The following FARSB variants were observed in gnomAD, a reference collection of about 807,000 sequenced individuals.
The protein encoded by FARSB is phenylalanyl-tRNA synthetase subunit beta.
In FARSB, 40 loss-of-function variants were observed where a neutral mutation model predicts 69.6. That is an observed-to-expected ratio of 0.57 (90% CI 0.45 to 0.75). The LOEUF is 0.75. FARSB is among the 30% of genes least tolerant of loss of function. The pLI, the probability that FARSB is intolerant of heterozygous loss-of-function variation, is 0.00. For missense variants in FARSB, 632 were observed against 722.9 expected (o/e 0.87, Z 1.44); for synonymous variants, 235 against 247.2 (o/e 0.95, Z 0.46).
intron 16 of FARSB, among the ~76,000 whole-genome samples, chr2:222,578,024 G>T (rs1206393604): frequency 6.6e-6 from 1 of 152,138 alleles, no homozygotes; most frequent in East Asian, 1.9e-4. Context: ...CTCTCAAACT[G>T]TGTAAAACCA....
At chr2:222,581,131 C>T (rs948451803) in intron 16 of FARSB, among the ~76,000 whole-genome samples, 11 of 152,166 alleles carry the variant, frequency 7.2e-5, no homozygotes, top group African/African-American at 1.9e-4. Flanking sequence ...CACAGCTATT[C>T]AACCCCAGTG....
intron 15 of FARSB, among the ~76,000 whole-genome samples, chr2:222,613,327 G>A (rs551488886): frequency 1.3e-5 from 2 of 152,102 alleles, no homozygotes; most frequent in African/African-American, 4.8e-5. Flanking sequence ...AGGCTGAGGC[G>A]GGTGGTCAGA....
Position 222,573,057 on chromosome 2 carries a change from G to A in FARSB, c.1619-1035C>T, listed in dbSNP as rs72956062. On this transcript the variant is annotated intron_variant, in intron 16 of 16. Transcript: ENST00000281828. ...GAGTGAGTGCATTATTGATGAAAGA[G>A]TAAACTGCTGAGTCTCTACTAATGG... 7.5e-3 allele frequency among the ~76,000 whole-genome samples: 1,143 copies of A among 152,294 alleles called. 6 individuals carry two copies. The highest frequency in any genetic ancestry group is 0.013 in the South Asian group (62 of 4,828).
chr2:222,569,766 ATT>A lies in FARSB; in HGVS notation c.*2103_*2104del, dbSNP rs2106169209. ...CTTTCACTTAGCATACTGTTTTGAAATTCATTCATGTTGTTTTGAGGATCAGT... is the reference window on the plus strand; with the variant it reads ...CTTTCACTTAGCATACTGTTTTGAAACATTCATGTTGTTTTGAGGATCAGT... On this transcript the variant is annotated 3_prime_UTR_variant, in exon 17 of 17. Coordinates refer to ENST00000281828, the MANE Select transcript of FARSB (RefSeq NM_005687.5). The A allele has an allele frequency of 6.6e-6, 1 of 152,292 alleles. No individual in the cohort carries two copies. The highest frequency in any genetic ancestry group is 2.4e-5 in the African/African-American group (1 of 41,562). The allele number at this position is 152,292 out of a possible 1,614,324, so 9.4% of individuals were successfully genotyped here.
chr2:222,645,114 C>T (rs1691815976), intron 2 of FARSB, among the ~76,000 whole-genome samples: 1 of 151,878 alleles, frequency 6.6e-6, no homozygotes, highest in Non-Finnish European at 1.5e-5. Context: ...TTTAAAATCA[C>T]ATAAATTTCA....
chr2:222,577,188 G>A (rs928961957), intron 16 of FARSB, among the ~76,000 whole-genome samples: 2 of 152,190 alleles, frequency 1.3e-5, no homozygotes, highest in Non-Finnish European at 1.5e-5. Context: ...GGGAGAAAAT[G>A]TCTCTGCAAA....
Position 222,585,772 on chromosome 2 carries a change from A to C in FARSB, c.1619-13750T>G, listed in dbSNP as rs114975611. On this transcript the variant is annotated intron_variant, in intron 16 of 16. Transcript: ENST00000281828. ...GATCAAGGGGAAGAAAGGTGACTGA[A>C]GATCAAATGAATGAAATGAAGCCAG... Among the ~76,000 whole-genome samples the C allele has an allele frequency of 3.9e-3, 591 of 152,324 alleles. 4 individuals are homozygous for C. The highest frequency in any genetic ancestry group is 0.013 in the African/African-American group (550 of 41,570).
chr2:222,608,134 T>C (rs1317126893), intron 15 of FARSB, among the ~76,000 whole-genome samples: 2 of 152,184 alleles, frequency 1.3e-5, no homozygotes, highest in Non-Finnish European at 2.9e-5. Flanking sequence ...AAATTGTTAA[T>C]GTCGATGCTC....
chr2:222,599,732 C>A (rs144942061), intron 16 of FARSB, among the ~76,000 whole-genome samples, 196 bp downstream of exon 16: 1 of 152,080 alleles, frequency 6.6e-6, no homozygotes, highest in Non-Finnish European at 1.5e-5. Context: ...GCAGCACTTA[C>A]GAGAGTTCTG....
chr2:222,640,500 T>C, intron 4 of FARSB, among the ~76,000 whole-genome samples: 1 of 152,042 alleles, frequency 6.6e-6, no homozygotes, highest in East Asian at 1.9e-4. Flanking sequence ...GGCGTGTGTC[T>C]GTACTCCCAA....
rs930137128 is a variant in FARSB, at chr2:222,567,206, G to A, written c.*4665C>T. 4 of 152,186 alleles carry A rather than the reference G, an allele frequency of 2.6e-5. No individual in the cohort carries two copies. The highest frequency in any genetic ancestry group is 5.9e-5 in the Non-Finnish European group (4 of 68,050). 9.4% of individuals were successfully genotyped at this position (152,186 alleles called of 1,614,324 possible). On this transcript the variant is annotated 3_prime_UTR_variant, in exon 17 of 17. Coordinates refer to ENST00000281828, the MANE Select transcript of FARSB (RefSeq NM_005687.5). ...AAAGACCATCACACTGGAGGTCAGA[G>A]GGTCAACATGAATTTGTGGGGATAC...
Position 222,639,661 on chromosome 2 carries a change from A to G in FARSB, c.374T>C (p.Val125Ala). ...AKIRPFAVAA[V>A]LRNIKFTKDR... ...TTTAGTAAACTTTATATTACGGAGA[A>G]CTGCTGCTACCGCAAAAGGACGTAT... Residue 125 changes from valine to alanine, a missense_variant, in exon 5 of 17, where the codon GTT (valine) becomes GCT (alanine). By Grantham distance (64) the Val-to-Ala change is moderately conservative. Transcript: ENST00000281828. 6.3e-7 allele frequency: 1 copy of G among 1,582,078 alleles called. No homozygotes were observed.
At chr2:222,632,104 C>A (rs1027599289) in intron 7 of FARSB, among the ~76,000 whole-genome samples, 5 of 149,566 alleles carry the variant, frequency 3.3e-5, no homozygotes, top group East Asian at 2.0e-4. Flanking sequence ...CCAGCCTGGG[C>A]AACAAAAGCA....
intron 13 of FARSB, among the ~76,000 whole-genome samples, chr2:222,622,047 G>A (rs575659938): frequency 1.3e-3 from 199 of 152,300 alleles, no homozygotes; most frequent in African/African-American, 4.6e-3. Flanking sequence ...ACAGGCATGG[G>A]CGGGAATCCC....
At chr2:222,591,896 G>T (rs180823221) in intron 16 of FARSB, among the ~76,000 whole-genome samples, 1 of 152,230 alleles carries the variant, frequency 6.6e-6, no homozygotes, top group Non-Finnish European at 1.5e-5. Context: ...GTAGATACAA[G>T]AATGAGCCAT....
intron 5 of FARSB, 33 bp from the exon 6 acceptor site, chr2:222,634,574 A>C (rs771076438): frequency 6.4e-7 from 1 of 1,551,370 alleles, no homozygotes. Flanking sequence ...AGAAGGAGGG[A>C]GGAAAGGAAA....
At chr2:222,611,894 T>G (rs568654328) in intron 15 of FARSB, among the ~76,000 whole-genome samples, 1 of 152,276 alleles carries the variant, frequency 6.6e-6, no homozygotes, top group East Asian at 1.9e-4. Flanking sequence ...GAACCGTGCA[T>G]GGCCCTCAGC....
chr2:222,601,730 A>AC, intron 15 of FARSB, among the ~76,000 whole-genome samples: 1 of 152,298 alleles, frequency 6.6e-6, no homozygotes, highest in East Asian at 1.9e-4. Flanking sequence ...CAAATAATAT[A>AC]AAAGTGCACT....
chr2:222,643,803 T>C (rs957362895), intron 2 of FARSB, among the ~76,000 whole-genome samples: 5 of 152,162 alleles, frequency 3.3e-5, no homozygotes, highest in Non-Finnish European at 7.4e-5. Flanking sequence ...ACCACTAGAA[T>C]CACGTTTAAT....
Sources: allele counts gnomAD v4.1 joint callset (sites outside exome capture counted in the v4.1 genomes callset), GRCh38; gene constraint gnomAD v4.1.1; transcripts MANE v1.5; gene names NCBI Gene and HGNC (gene_info 2026-07-23, HGNC 2026-07-21).